STX18: variants seen among roughly 807,000 people sequenced by gnomAD.
The protein encoded by STX18 is syntaxin 18.
A neutral mutation model predicts 50.1 loss-of-function variants in STX18; 40 were observed. The ratio of observed to expected loss-of-function variants is 0.80; its 90% CI spans 0.62 to 1.04. The LOEUF is 1.04. STX18 is among the 50% of genes least tolerant of loss of function. The probability of loss-of-function intolerance (pLI) is 0.00; values close to 1 mark genes in which losing one functional copy is unlikely to be tolerated. For missense variants in STX18, 410 were observed against 415.8 expected, an observed-to-expected ratio of 0.99 and a Z score of 0.12; for synonymous variants, 158 against 151.8, an observed-to-expected ratio of 1.04 and a Z score of -0.30.
intron 7 of STX18, among the ~76,000 whole-genome samples, chr4:4,433,126 T>C (rs1315089335): frequency 6.6e-6 from 1 of 152,224 alleles, no homozygotes; most frequent in Non-Finnish European, 1.5e-5. Flanking sequence ...GGCTTTAGTT[T>C]TTGTGCGTCA....
chr4:4,498,910 A>T (rs928775792), intron 1 of STX18, among the ~76,000 whole-genome samples: 1 of 152,182 alleles, frequency 6.6e-6, no homozygotes, highest in African/African-American at 2.4e-5. Flanking sequence ...CACAGAATTT[A>T]GGGTTATTTT....
At chr4:4,453,776 C>T (rs1726905877) in intron 5 of STX18, 1 of 582,158 alleles carries the variant, frequency 1.7e-6, no homozygotes, top group Admixed American at 6.4e-5. Context: ...TACCGTGGAC[C>T]CCCAAAGCAG....
Position 4,420,872 on chromosome 4 carries a change from T to C in STX18, c.904A>G (p.Ile302Val). ...ACCTAAACAGTGCCTACCTCTCTTATGTCTTCGTTGCCTTCCTTGATATTT... is the reference window on the plus strand; with the variant it reads ...ACCTAAACAGTGCCTACCTCTCTTACGTCTTCGTTGCCTTCCTTGATATTT... ...TENIKEGNEDIREAIKNNAGF... is the reference protein window; with the variant it reads ...TENIKEGNEDVREAIKNNAGF... The change falls in exon 10 of 11, where the codon ATA (isoleucine) becomes GTA (valine). Residue 302 changes from isoleucine to valine, a missense_variant. Transcript: ENST00000306200. This position sits in a 1 kb window ranked among gnomAD's most constrained non-coding sequence, Gnocchi z 4.3. The C allele has an allele frequency of 3.7e-6, 6 of 1,614,178 alleles. No individual in the cohort carries two copies. Among genetic ancestry groups the C allele is most frequent in the East Asian group, 2.2e-5 (1 of 44,890 alleles).
chr4:4,506,646 G>C (rs1433157717), intron 1 of STX18, among the ~76,000 whole-genome samples: 1 of 152,120 alleles, frequency 6.6e-6, no homozygotes, highest in Non-Finnish European at 1.5e-5. Context: ...ACCCCCCGTG[G>C]ATGCCTGAAA....
intron 1 of STX18, chr4:4,481,685 T>C (rs1490103900): frequency 6.6e-6 from 1 of 152,168 alleles, no homozygotes; most frequent in Non-Finnish European, 1.5e-5. Context: ...TCAATAGCAA[T>C]TACTAAGTCA....
At chr4:4,429,543 T>C (rs1232243694) in intron 7 of STX18, among the ~76,000 whole-genome samples, 2 of 152,200 alleles carry the variant, frequency 1.3e-5, no homozygotes, top group African/African-American at 2.4e-5. Context: ...CTGGCCCTCA[T>C]AGCTCAGGAG....
At chr4:4,533,303 G>C in intron 1 of STX18, among the ~76,000 whole-genome samples, 1 of 152,182 alleles carries the variant, frequency 6.6e-6, no homozygotes, top group African/African-American at 2.4e-5. Flanking sequence ...AGACTTCACT[G>C]ATACTTTACC....
At chr4:4,540,592 C>G (rs1285828332) in intron 1 of STX18, among the ~76,000 whole-genome samples, 1 of 152,178 alleles carries the variant, frequency 6.6e-6, no homozygotes, top group Non-Finnish European at 1.5e-5. Flanking sequence ...TTTTTGTGCC[C>G]TACACAACAC....
At chr4:4,447,034 G>C (rs1015708725) in intron 5 of STX18, among the ~76,000 whole-genome samples, 3 of 152,166 alleles carry the variant, frequency 2.0e-5, no homozygotes, top group African/African-American at 7.2e-5. Flanking sequence ...AAACCTAAAA[G>C]AGAAACCTAT....
chr4:4,449,443 A>G (rs1427118019), intron 5 of STX18, among the ~76,000 whole-genome samples: 1 of 152,136 alleles, frequency 6.6e-6, no homozygotes, highest in Non-Finnish European at 1.5e-5. Flanking sequence ...ACTTCTCTTC[A>G]GTCTCCTTGT....
chr4:4,497,526 TA>T (rs2108872854), intron 1 of STX18, among the ~76,000 whole-genome samples: 1 of 152,352 alleles, frequency 6.6e-6, no homozygotes, highest in Non-Finnish European at 1.5e-5. Context: ...CTACAAACAT[TA>T]ACTCATTTAA....
At position 4,459,432 on chromosome 4, in the gene STX18, G is replaced by C. The variant is rs1272291039; in HGVS notation, c.292C>G (p.Gln98Glu). The change falls in exon 3 of 11, where the codon CAG becomes GAG. Residue 98 changes from glutamine (Q) to glutamate (E), a missense_variant. By Grantham distance (29) the Gln-to-Glu change is conservative (BLOSUM62 2). Transcript: ENST00000306200. ...MTDTERDQIDQDAQIFMRTCS... is the reference protein window; with the variant it reads ...MTDTERDQIDEDAQIFMRTCS... The stretch of plus-strand genomic sequence containing the variant: ...GTCCTCATGAATATCTGGGCATCCT[G>C]GTCTATCTGGTCTCGTTCTGTGTCT... 1 of 1,614,050 alleles carries C rather than the reference G, an allele frequency of 6.2e-7. No homozygotes were observed. Among genetic ancestry groups the C allele is most frequent in the Non-Finnish European group, 8.5e-7 (1 of 1,179,994 alleles).
At chr4:4,448,076 G>T (rs1446368457) in intron 5 of STX18, among the ~76,000 whole-genome samples, 2 of 152,168 alleles carry the variant, frequency 1.3e-5, no homozygotes, top group African/African-American at 4.8e-5. Flanking sequence ...GGCCTAGGGT[G>T]GTGGCCAAAG....
At chr4:4,464,003 T>G (rs1727504695) in intron 2 of STX18, among the ~76,000 whole-genome samples, 1 of 152,234 alleles carries the variant, frequency 6.6e-6, no homozygotes. Flanking sequence ...ATAAGAAGTA[T>G]TTCCATTTTT....
intron 1 of STX18, among the ~76,000 whole-genome samples, chr4:4,497,566 A>G (rs1306584262): frequency 2.6e-5 from 4 of 152,226 alleles, no homozygotes; most frequent in Non-Finnish European, 5.9e-5. Flanking sequence ...TAAGATTGTC[A>G]TTATTTTATA....
intron 6 of STX18, 149 bp from the exon 7 acceptor site, chr4:4,435,007 CT>C (rs1725702334): frequency 3.3e-6 from 2 of 608,208 alleles, no homozygotes; most frequent in Non-Finnish European, 5.5e-6. Flanking sequence ...TATTCAGGCA[CT>C]GCAGACATGA....
intron 1 of STX18, among the ~76,000 whole-genome samples, chr4:4,523,128 G>A (rs1463776139): frequency 6.6e-6 from 1 of 152,190 alleles, no homozygotes; most frequent in Non-Finnish European, 1.5e-5. Context: ...AGGTGGTAGA[G>A]CCCAGAGTCC....
At chr4:4,430,760 C>T (rs918127932) in intron 7 of STX18, among the ~76,000 whole-genome samples, 4 of 152,172 alleles carry the variant, frequency 2.6e-5, no homozygotes, top group African/African-American at 9.7e-5. Flanking sequence ...GAGGGAGTCA[C>T]CATTTGCTCT....
At chr4:4,511,044 G>A (rs562924634) in intron 1 of STX18, among the ~76,000 whole-genome samples, 1 of 152,242 alleles carries the variant, frequency 6.6e-6, no homozygotes, top group East Asian at 1.9e-4. Context: ...TAGGACAAAC[G>A]CCTAATGCAT....
Sources: gnomAD v4.1 joint callset for allele counts (sites outside exome capture counted in the v4.1 genomes callset) on GRCh38, gnomAD v4.1.1 for gene constraint, Gnocchi (gnomAD v3.1) non-coding constraint, MANE v1.5 for transcripts, NCBI Gene and HGNC (gene_info 2026-07-23, HGNC 2026-07-21) for gene names.